PYHIN1: variants seen among roughly 807,000 people sequenced by gnomAD.
PYHIN1 encodes the protein pyrin and HIN domain family member 1.
PYHIN1 carries 32 observed loss-of-function variants against 43.7 expected under a neutral mutation model. That is an observed-to-expected ratio of 0.73 (90% CI 0.55 to 0.98). PYHIN1 has a LOEUF of 0.98. Ranked by LOEUF, PYHIN1 falls within the 50% of genes least tolerant of loss-of-function variation. The pLI is 0.00. For synonymous variants in PYHIN1, 205 were observed against 203.1 expected (o/e 1.01, Z -0.08); for missense variants, 588 against 589.5 (o/e 1.00, Z 0.03).
At chr1:158,955,183 G>T (rs1337899988) in intron 7 of PYHIN1, among the ~76,000 whole-genome samples, 1 of 152,066 alleles carries the variant, frequency 6.6e-6, no homozygotes, top group Non-Finnish European at 1.5e-5. Context: ...GTCAACATTA[G>T]ACAGATCAAT....
At chr1:158,952,778 C>T (rs775185855) in intron 7 of PYHIN1, among the ~76,000 whole-genome samples, 12 of 152,310 alleles carry the variant, frequency 7.9e-5, no homozygotes, top group African/African-American at 1.2e-4. Context: ...GAATAGCTCC[C>T]GTATACAGCT....
At chr1:158,946,869 AT>A (rs1649252431) in intron 7 of PYHIN1, among the ~76,000 whole-genome samples, 1 of 152,210 alleles carries the variant, frequency 6.6e-6, no homozygotes, top group Non-Finnish European at 1.5e-5. Context: ...CCAGAAAAAA[AT>A]AATCTATTTT....
chr1:158,976,494 G>A (rs1291128239), intron 8 of PYHIN1, among the ~76,000 whole-genome samples: 4 of 151,916 alleles, frequency 2.6e-5, no homozygotes, highest in South Asian at 2.1e-4. Context: ...AGTGAATATC[G>A]CATTTCATGG....
intron 7 of PYHIN1, among the ~76,000 whole-genome samples, chr1:158,968,924 G>T (rs1650786188): frequency 6.6e-6 from 1 of 151,768 alleles, no homozygotes; most frequent in East Asian, 1.9e-4. Flanking sequence ...GGGAGAGGAT[G>T]AAAAAACAAT....
chr1:158,949,031 G>A (rs1254091822), intron 7 of PYHIN1, among the ~76,000 whole-genome samples: 1 of 152,146 alleles, frequency 6.6e-6, no homozygotes, highest in Non-Finnish European at 1.5e-5. Flanking sequence ...TACAAGTGAA[G>A]GCTATAGTGT....
At chr1:158,953,592 C>T (rs182939845) in intron 7 of PYHIN1, among the ~76,000 whole-genome samples, 16,551 of 151,300 alleles carry the variant, frequency 0.11, 1,051 homozygotes, top group Non-Finnish European at 0.12. Context: ...ACACCAAAAA[C>T]CCTTCTGTAC....
the PYHIN1 span, among the ~76,000 whole-genome samples, chr1:158,984,028 G>GTTTTTTTTTTTTT: frequency 5.4e-5 from 6 of 111,172 alleles, no homozygotes; most frequent in Admixed American, 1.9e-4. Flanking sequence ...ATCTTCTCCT[G>GTTTTTTTTTTTTT]TTTTTTTTTT....
intron 7 of PYHIN1, among the ~76,000 whole-genome samples, chr1:158,955,608 T>C (rs1405319217): frequency 4.4e-5 from 6 of 137,824 alleles, no homozygotes; most frequent in Non-Finnish European, 7.9e-5. Context: ...AAGCAGTGTG[T>C]AGAGGGAAAT....
At chr1:158,937,298 G>A (rs776351816) in intron 2 of PYHIN1, 123 bp downstream of exon 2, 19 of 1,068,192 alleles carry the variant, frequency 1.8e-5, no homozygotes, top group Non-Finnish European at 2.5e-5. Context: ...ACTGGCCATG[G>A]CAATGTTGGT....
chr1:158,959,226 A>C (rs1251342231), intron 7 of PYHIN1, among the ~76,000 whole-genome samples: 2 of 152,168 alleles, frequency 1.3e-5, no homozygotes, highest in Admixed American at 6.5e-5. Flanking sequence ...TCTGCCTGTC[A>C]GCTGAGCTAA....
At chr1:158,945,171 G>A in intron 7 of PYHIN1, 129 bp downstream of exon 7, 1 of 939,004 alleles carries the variant, frequency 1.1e-6, no homozygotes, top group Admixed American at 2.8e-5. Flanking sequence ...AATCACCCAT[G>A]TATTTATTGA....
At chr1:158,951,900 T>G (rs1282282165) in intron 7 of PYHIN1, among the ~76,000 whole-genome samples, 1 of 152,212 alleles carries the variant, frequency 6.6e-6, no homozygotes, top group Non-Finnish European at 1.5e-5. Context: ...AAGAGAGAGA[T>G]AACAGTGGCC....
At chr1:158,932,203 C>T (rs1466798826) in intron 1 of PYHIN1, among the ~76,000 whole-genome samples, 9 of 152,026 alleles carry the variant, frequency 5.9e-5, no homozygotes, top group Non-Finnish European at 1.5e-5. Context: ...AGTGAACTAA[C>T]ACAGGAATAC....
At chr1:158,950,532 T>C (rs1649469343) in intron 7 of PYHIN1, among the ~76,000 whole-genome samples, 2 of 152,190 alleles carry the variant, frequency 1.3e-5, no homozygotes, top group Admixed American at 6.5e-5. Context: ...GCATACCCTC[T>C]TCCCCACGTT....
At chr1:158,950,929 T>C (rs374711339) in intron 7 of PYHIN1, among the ~76,000 whole-genome samples, 45 of 152,324 alleles carry the variant, frequency 3.0e-4, no homozygotes, top group African/African-American at 1.1e-3. Flanking sequence ...CAAAAGTTAA[T>C]GACATCTCCA....
chr1:158,973,240 T>C (rs1316451896), intron 7 of PYHIN1, among the ~76,000 whole-genome samples: 1 of 152,052 alleles, frequency 6.6e-6, no homozygotes, highest in Non-Finnish European at 1.5e-5. Flanking sequence ...ACTGGATTTT[T>C]CTTTATTATT....
the PYHIN1 span, among the ~76,000 whole-genome samples, chr1:158,983,054 G>A: frequency 6.6e-6 from 1 of 152,092 alleles, no homozygotes; most frequent in Admixed American, 6.6e-5. Flanking sequence ...AGGCTATGGG[G>A]TTTTCTGGGT....
chr1:158,969,691 A>T (rs564824657), intron 7 of PYHIN1, among the ~76,000 whole-genome samples: 1 of 152,030 alleles, frequency 6.6e-6, no homozygotes, highest in East Asian at 1.9e-4. Context: ...ATCAGCTCTG[A>T]TCCATTTACT....
At chr1:158,981,411 C>T (rs951037982), downstream of PYHIN1, among the ~76,000 whole-genome samples, 15 of 152,104 alleles carry the variant, frequency 9.9e-5, no homozygotes, top group Non-Finnish European at 1.8e-4. Context: ...GCAGTGGTTG[C>T]AGTAAGCCAA....
Sources: allele counts gnomAD v4.1 joint callset (sites outside exome capture counted in the v4.1 genomes callset), GRCh38; gene constraint gnomAD v4.1.1; transcripts MANE v1.5; gene names NCBI Gene and HGNC (gene_info 2026-07-23, HGNC 2026-07-21).